CDK5RAP1: variants seen among roughly 807,000 people sequenced by gnomAD.
CDK5RAP1 encodes CDK5RAP1 mitochondrial tRNA methylthiotransferase, also known as mitochondrial tRNA methylthiotransferase CDK5RAP1.
CDK5RAP1 carries 62 observed loss-of-function variants against 64.5 expected under a neutral mutation model. The observed-to-expected ratio is 0.96, with a 90% CI of 0.78 to 1.19. The LOEUF (loss-of-function observed/expected upper bound fraction) is 1.19. Ranked by LOEUF, CDK5RAP1 falls within the 50% of genes most tolerant of loss-of-function variation. The pLI, the probability that CDK5RAP1 is intolerant of heterozygous loss-of-function variation, is 0.00. For synonymous variants in CDK5RAP1, 250 were observed against 261.9 expected (o/e 0.95, Z 0.44); for missense variants, 657 against 735.0 (o/e 0.89, Z 1.23).
chr20:33,364,636 G>A (rs1314189906), intron 12 of CDK5RAP1, among the ~76,000 whole-genome samples: 2 of 151,696 alleles, frequency 1.3e-5, no homozygotes, highest in East Asian at 1.9e-4. Context: ...GTACAATGGC[G>A]CGATCTCGGC....
chr20:33,386,824 A>G (rs1987496737), intron 6 of CDK5RAP1, among the ~76,000 whole-genome samples: 1 of 151,852 alleles, frequency 6.6e-6, no homozygotes, highest in Non-Finnish European at 1.5e-5. Context: ...TTAGCAGGCT[A>G]TAGTCTCTGT....
At chr20:33,362,916 C>T (rs1395834399) in intron 12 of CDK5RAP1, among the ~76,000 whole-genome samples, 1 of 152,178 alleles carries the variant, frequency 6.6e-6, no homozygotes, top group Non-Finnish European at 1.5e-5. Flanking sequence ...AGGGAAACAA[C>T]CTTCAGCTGA....
rs1448527858 is a variant in CDK5RAP1 at position 33,379,578 on chromosome 20, G to A, written c.990C>T (p.Asn330=). The A allele has an allele frequency of 1.2e-6, 2 of 1,613,944 alleles. No homozygotes were observed. Among genetic ancestry groups the A allele is most frequent in the African/African-American group, 2.7e-5 (2 of 74,914 alleles). Residue 330 remains asparagine, a synonymous_variant, in exon 8 of 14, where the codon AAC becomes AAT. Coordinates refer to ENST00000346416, the MANE Select transcript of CDK5RAP1 (RefSeq NM_016408.4). ...PTNLSRGFTT[N]YKTKQGGLRF... ...GAAGTCCTCCTTGCTTGGTTTTATA[G>A]TTGGTGGTAAAGCCACGACTGAGAT...
intron 8 of CDK5RAP1, among the ~76,000 whole-genome samples, chr20:33,378,403 A>G: frequency 6.6e-6 from 1 of 152,246 alleles, no homozygotes; most frequent in East Asian, 1.9e-4. Context: ...AACATTAAAT[A>G]GCACTGATCA....
chr20:33,392,912 G>A (rs1282281632), intron 4 of CDK5RAP1, among the ~76,000 whole-genome samples: 1 of 147,234 alleles, frequency 6.8e-6, no homozygotes, highest in Non-Finnish European at 1.5e-5. Context: ...ATGGAGTCTC[G>A]CTTTGTCACC....
chr20:33,361,755 A>G (rs1477859005), intron 12 of CDK5RAP1, among the ~76,000 whole-genome samples: 1 of 152,096 alleles, frequency 6.6e-6, no homozygotes, highest in Admixed American at 6.6e-5. Flanking sequence ...CAGGAGTTTG[A>G]GACCAACCTG....
chr20:33,384,041 T>G (rs948552247), intron 7 of CDK5RAP1, among the ~76,000 whole-genome samples: 4 of 152,308 alleles, frequency 2.6e-5, no homozygotes, highest in Middle Eastern at 3.4e-3. Context: ...TTAAAAAGAC[T>G]TTTTATAAAA....
intron 8 of CDK5RAP1, among the ~76,000 whole-genome samples, chr20:33,378,976 G>T (rs1484420259): frequency 1.3e-5 from 2 of 152,044 alleles, no homozygotes; most frequent in Non-Finnish European, 2.9e-5. Flanking sequence ...TCGAGACAGG[G>T]TCTCGCTATC....
chr20:33,372,292 A>AAG (rs57965247), intron 10 of CDK5RAP1, among the ~76,000 whole-genome samples: 1 of 151,028 alleles, frequency 6.6e-6, no homozygotes, highest in East Asian at 1.9e-4. Context: ...AAAAAAAAAA[A>AAG]GATATCAATT....
intron 4 of CDK5RAP1, among the ~76,000 whole-genome samples, chr20:33,392,461 G>A (rs1303953954): frequency 2.1e-5 from 3 of 142,502 alleles, no homozygotes; most frequent in Admixed American, 7.0e-5. Flanking sequence ...TTTTGGGGGG[G>A]ATTTTTTTTT....
Position 33,400,684 on chromosome 20 carries a change from A to G in CDK5RAP1, c.-21+744T>C, listed in dbSNP as rs112503843. ...ACAAAACTTAGCCGGGTGTGGTGGT[A>G]TGCGCCTGTAATCCTAGCTACCCAG... On this transcript the variant is annotated intron_variant, in intron 1 of 13. Transcript: ENST00000346416. Among the ~76,000 whole-genome samples, 610 of 152,234 alleles carry G rather than the reference A, an allele frequency of 4.0e-3. 7 individuals carry two copies. Among genetic ancestry groups the G allele is most frequent in the African/African-American group, 0.014 (573 of 41,512 alleles).
At chr20:33,360,308 C>T (rs1424835040) in intron 13 of CDK5RAP1, 43 bp downstream of exon 13, 17 of 1,583,154 alleles carry the variant, frequency 1.1e-5, no homozygotes, top group Non-Finnish European at 1.4e-5. Context: ...CAAACCAACA[C>T]TCATTTCACA....
At chr20:33,360,622 C>G in intron 12 of CDK5RAP1, 131 bp from the exon 13 acceptor site, 1 of 762,140 alleles carries the variant, frequency 1.3e-6, no homozygotes. Context: ...CAAGGAATCA[C>G]TGAAGACTCA....
intron 8 of CDK5RAP1, among the ~76,000 whole-genome samples, chr20:33,377,099 G>C (rs1986101138): frequency 6.6e-6 from 1 of 152,192 alleles, no homozygotes; most frequent in African/African-American, 2.4e-5. Flanking sequence ...ACTTTGAGAG[G>C]CCTAGGTGGG....
intron 11 of CDK5RAP1, among the ~76,000 whole-genome samples, chr20:33,369,681 C>T (rs1189530793): frequency 3.3e-5 from 5 of 152,066 alleles, no homozygotes; most frequent in Admixed American, 1.3e-4. Flanking sequence ...TTTGAGAGAG[C>T]GTGGTGAAAG....
At chr20:33,399,642 T>C (rs1048310954) in intron 1 of CDK5RAP1, among the ~76,000 whole-genome samples, 3 of 152,180 alleles carry the variant, frequency 2.0e-5, no homozygotes, top group African/African-American at 7.2e-5. Context: ...GTACTAGGAA[T>C]TGGTTTCATG....
chr20:33,365,333 C>A (rs1299758181), intron 12 of CDK5RAP1, among the ~76,000 whole-genome samples: 1 of 150,802 alleles, frequency 6.6e-6, no homozygotes, highest in African/African-American at 2.4e-5. Context: ...GTGCAATGGC[C>A]CGATCTCAGC....
chr20:33,391,016 T>C (rs934922921), intron 5 of CDK5RAP1, among the ~76,000 whole-genome samples: 8 of 151,948 alleles, frequency 5.3e-5, no homozygotes, highest in Admixed American at 2.0e-4. Context: ...ATCTGGGAGA[T>C]TGAGGCAAGA....
intron 11 of CDK5RAP1, among the ~76,000 whole-genome samples, chr20:33,368,198 C>T (rs1984335562): frequency 1.3e-5 from 2 of 152,302 alleles, no homozygotes; most frequent in South Asian, 4.1e-4. Context: ...TTCCTATAAC[C>T]TTAACCCTTA....
Sources: allele counts gnomAD v4.1 joint callset (sites outside exome capture counted in the v4.1 genomes callset), GRCh38; gene constraint gnomAD v4.1.1; transcripts MANE v1.5; gene names NCBI Gene and HGNC (gene_info 2026-07-23, HGNC 2026-07-21).